The following ATP9B variants were observed in gnomAD, a reference collection of about 807,000 sequenced individuals.
ATP9B encodes the protein probable phospholipid-transporting ATPase IIB.
A neutral mutation model predicts 146.1 loss-of-function variants in ATP9B; 110 were observed. The ratio of observed to expected loss-of-function variants is 0.75; its 90% CI spans 0.65 to 0.88. The LOEUF is 0.88. ATP9B is among the 40% of genes least tolerant of loss of function. The pLI is 0.00. For missense variants in ATP9B, 1,499 were observed against 1,496.4 expected, an observed-to-expected ratio of 1.00 and a Z score of -0.03; for synonymous variants, 604 against 569.7, an observed-to-expected ratio of 1.06 and a Z score of -0.86.
intron 13 of ATP9B, among the ~76,000 whole-genome samples, chr18:79,298,383 A>C (rs890018316): frequency 6.8e-6 from 1 of 146,314 alleles, no homozygotes; most frequent in Non-Finnish European, 1.5e-5. Context: ...AAAGCGCGGT[A>C]CTTAGCCGTG....
In ATP9B at chr18:79,154,524, C is replaced by T. The variant is rs998116908; in HGVS notation, c.747C>T (p.Asp249=). ...TGCAGAATCAAAGAATTCCATCGGA[C>T]ATGGTGTTTCTTAGGACTTCAGAAA... ...IVEKNQRIPS[D]MVFLRTSEKA... is the part of the protein sequence containing the mutation. Residue 249 remains aspartate (D), a synonymous_variant, in exon 7 of 30, where the codon GAC becomes GAT. Transcript: ENST00000426216. The T allele has an allele frequency of 1.3e-6, 2 of 1,539,968 alleles. No individual in the cohort carries two copies. Among genetic ancestry groups the T allele is most frequent in the African/African-American group, 2.8e-5 (2 of 70,532 alleles).
intron 4 of ATP9B, among the ~76,000 whole-genome samples, chr18:79,122,806 A>G (rs1455278749): frequency 1.3e-5 from 2 of 152,178 alleles, no homozygotes; most frequent in African/African-American, 4.8e-5. Context: ...CTTTGTCTCT[A>G]ACAGGCTTTT....
At chr18:79,313,838 CT>C in intron 15 of ATP9B, among the ~76,000 whole-genome samples, 1 of 152,226 alleles carries the variant, frequency 6.6e-6, no homozygotes, top group East Asian at 1.9e-4. Flanking sequence ...ATTAAATAAC[CT>C]TTTAAAAATC....
At chr18:79,094,619 T>C (rs2074632287) in intron 1 of ATP9B, among the ~76,000 whole-genome samples, 1 of 152,200 alleles carries the variant, frequency 6.6e-6, no homozygotes. Flanking sequence ...AAAAAAACGT[T>C]CTGCTTTGCA....
chr18:79,371,370 TAAAAAAA>T (rs59110010), intron 26 of ATP9B, among the ~76,000 whole-genome samples: 28,559 of 98,270 alleles, frequency 0.29, 3,590 homozygotes, highest in Admixed American at 0.39. Context: ...GACTCCGTCT[TAAAAAAA>T]AAAAAAAAAA....
chr18:79,311,488 G>C (rs1194641983), intron 15 of ATP9B, among the ~76,000 whole-genome samples: 1 of 152,120 alleles, frequency 6.6e-6, no homozygotes, highest in Non-Finnish European at 1.5e-5. Flanking sequence ...CATGGTATTC[G>C]ACAAAGTATA....
At chr18:79,205,045 C>T (rs890370356) in intron 9 of ATP9B, among the ~76,000 whole-genome samples, 6 of 152,054 alleles carry the variant, frequency 3.9e-5, no homozygotes, top group Non-Finnish European at 8.8e-5. Context: ...TGTGAAGGGA[C>T]GTGGTGGAAG....
intron 7 of ATP9B, among the ~76,000 whole-genome samples, chr18:79,160,474 T>G (rs935596506): frequency 6.6e-6 from 1 of 152,256 alleles, no homozygotes; most frequent in Admixed American, 6.5e-5. Flanking sequence ...AACAAAATGC[T>G]TTAATTTGGG....
intron 7 of ATP9B, among the ~76,000 whole-genome samples, chr18:79,175,199 AAAAAAAAAAAAAAAG>A (rs1460152577): frequency 4.1e-5 from 6 of 147,440 alleles, no homozygotes; most frequent in Non-Finnish European, 9.0e-5. Context: ...GACTGTCTCA[AAAAAAAAAAAAAAAG>A]AAAAAAAAAA....
At chr18:79,240,364 T>G (rs1460115059) in intron 11 of ATP9B, among the ~76,000 whole-genome samples, 6 of 152,210 alleles carry the variant, frequency 3.9e-5, no homozygotes, top group Non-Finnish European at 8.8e-5. Context: ...CTTTACCACA[T>G]CCAAATAAAA....
chr18:79,263,284 G>C (rs2096164230), intron 12 of ATP9B, among the ~76,000 whole-genome samples: 1 of 152,182 alleles, frequency 6.6e-6, no homozygotes, highest in Non-Finnish European at 1.5e-5. Flanking sequence ...CAGAACGCAT[G>C]TGTACCCAAG....
chr18:79,242,123 A>C (rs1289255486), intron 11 of ATP9B, among the ~76,000 whole-genome samples: 4 of 152,216 alleles, frequency 2.6e-5, no homozygotes, highest in Non-Finnish European at 5.9e-5. Flanking sequence ...TGCGAGGGTT[A>C]TTAATTCGCT....
chr18:79,346,020 T>A (rs1284950536), intron 23 of ATP9B, among the ~76,000 whole-genome samples, 181 bp downstream of exon 23: 1 of 151,814 alleles, frequency 6.6e-6, no homozygotes, highest in Non-Finnish European at 1.5e-5. Context: ...CAGCACGTGC[T>A]CAGCGCACAG....
intron 6 of ATP9B, among the ~76,000 whole-genome samples, chr18:79,153,747 C>T (rs972031385): frequency 2.6e-5 from 4 of 151,186 alleles, no homozygotes; most frequent in Non-Finnish European, 5.9e-5. Flanking sequence ...ACCCTCCTGG[C>T]TCAAGCCATC....
intron 7 of ATP9B, among the ~76,000 whole-genome samples, chr18:79,171,750 C>T (rs1312951498): frequency 6.6e-6 from 1 of 152,220 alleles, no homozygotes; most frequent in Non-Finnish European, 1.5e-5. Context: ...GCCCAGTGGG[C>T]TCAGCCATCC....
At chr18:79,336,809 G>C in intron 18 of ATP9B, 98 bp downstream of exon 18, 1 of 1,296,482 alleles carries the variant, frequency 7.7e-7, no homozygotes, top group Non-Finnish European at 1.1e-6. Flanking sequence ...AGCTGGGATC[G>C]CTATAGTCTA....
intron 15 of ATP9B, among the ~76,000 whole-genome samples, chr18:79,322,983 G>A (rs554209493): frequency 2.0e-5 from 3 of 152,250 alleles, no homozygotes; most frequent in Non-Finnish European, 4.4e-5. Flanking sequence ...TTCTGGGTAC[G>A]TAATAGTACA....
At chr18:79,083,090 A>G (rs1344700668) in intron 1 of ATP9B, among the ~76,000 whole-genome samples, 3 of 152,182 alleles carry the variant, frequency 2.0e-5, no homozygotes, top group Non-Finnish European at 4.4e-5. Context: ...CCTTTCTTTC[A>G]GAGATGCCCT....
At chr18:79,270,760 T>C (rs2096246229) in intron 12 of ATP9B, among the ~76,000 whole-genome samples, 1 of 152,210 alleles carries the variant, frequency 6.6e-6, no homozygotes, top group South Asian at 2.1e-4. Flanking sequence ...TGATTCATTC[T>C]CAACCAACCA....
Sources: gnomAD v4.1 joint callset for allele counts (sites outside exome capture counted in the v4.1 genomes callset) on GRCh38, gnomAD v4.1.1 for gene constraint, MANE v1.5 for transcripts, NCBI Gene and HGNC (gene_info 2026-07-23, HGNC 2026-07-21) for gene names.